The following KATNIP variants were observed in gnomAD, a reference collection of about 807,000 sequenced individuals.
KATNIP encodes katanin interacting protein.
In KATNIP, 126 loss-of-function variants were observed where a neutral mutation model predicts 174.0. That is an observed-to-expected ratio of 0.72 (90% CI 0.63 to 0.84). The LOEUF (loss-of-function observed/expected upper bound fraction) is 0.84, where lower values mean the gene tolerates loss of function less well. KATNIP is among the 40% of genes least tolerant of loss of function. The probability of loss-of-function intolerance (pLI) is 0.00; values close to 1 mark genes in which losing one functional copy is unlikely to be tolerated. For missense variants in KATNIP, 1,958 were observed against 2,109.7 expected, an observed-to-expected ratio of 0.93 and a Z score of 1.41; for synonymous variants, 810 against 835.7, an observed-to-expected ratio of 0.97 and a Z score of 0.53.
At chr16:27,744,632 C>T (rs979213789) in intron 15 of KATNIP, among the ~76,000 whole-genome samples, 2 of 150,548 alleles carry the variant, frequency 1.3e-5, no homozygotes, top group Non-Finnish European at 3.0e-5. Context: ...CCTGTAATCC[C>T]AGCACTTTGG....
intron 6 of KATNIP, among the ~76,000 whole-genome samples, chr16:27,673,687 A>G (rs2078005023): frequency 6.6e-6 from 1 of 152,214 alleles, no homozygotes; most frequent in Non-Finnish European, 1.5e-5. Context: ...AAAAATCTCA[A>G]GTCATTGCTG....
intron 19 of KATNIP, 72 bp downstream of exon 19, chr16:27,761,662 C>A: frequency 1.5e-6 from 2 of 1,309,624 alleles, no homozygotes; most frequent in South Asian, 1.2e-5. Flanking sequence ...TCTGAGACTT[C>A]AGATTCAGAC....
At chr16:27,556,633 A>T (rs2089639689) in intron 1 of KATNIP, among the ~76,000 whole-genome samples, 2 of 152,208 alleles carry the variant, frequency 1.3e-5, no homozygotes, top group African/African-American at 4.8e-5. Flanking sequence ...TGTCCAAATA[A>T]TCCCAGACTG....
At chr16:27,603,356 ATAAAC>A (rs1465529696) in intron 2 of KATNIP, among the ~76,000 whole-genome samples, 1 of 152,220 alleles carries the variant, frequency 6.6e-6, no homozygotes, top group Non-Finnish European at 1.5e-5. Flanking sequence ...TATTTAAACG[ATAAAC>A]TAAATTTTCT....
intron 8 of KATNIP, among the ~76,000 whole-genome samples, chr16:27,690,984 AAAAGTG>A (rs1168864425): frequency 6.6e-6 from 1 of 152,154 alleles, no homozygotes; most frequent in African/African-American, 2.4e-5. Context: ...ATTTTTCTAA[AAAAGTG>A]AAAGTGACAC....
chr16:27,652,805 C>CAAAAA (rs55843823), intron 6 of KATNIP, among the ~76,000 whole-genome samples: 1 of 120,804 alleles, frequency 8.3e-6, no homozygotes, highest in Non-Finnish European at 1.8e-5. Context: ...AACTCCATCT[C>CAAAAA]AAAAAAAAAA....
rs138451601 is a variant in KATNIP at position 27,606,786 on chromosome 16, G to A, written c.64-11639G>A. Among the ~76,000 whole-genome samples, 47 of 151,182 alleles carry A rather than the reference G, an allele frequency of 3.1e-4. 1 individual carries two copies. In the East Asian group the frequency reaches 6.6e-3, roughly 21 times the overall value. ...TCACTATGTTGCCCAGGCTGGTCTC[G>A]ATCTCCTGGGCTCAAGCGATCCTCC... On this transcript the variant is annotated intron_variant, in intron 2 of 27. Coordinates refer to ENST00000261588, the MANE Select transcript of KATNIP (RefSeq NM_015202.5).
chr16:27,593,905 G>T (rs1244521253), intron 2 of KATNIP, among the ~76,000 whole-genome samples: 1 of 152,036 alleles, frequency 6.6e-6, no homozygotes, highest in Non-Finnish European at 1.5e-5. Flanking sequence ...TTAGTGGTGG[G>T]GTCACACTGT....
chr16:27,662,077 C>T (rs865966322), intron 6 of KATNIP, among the ~76,000 whole-genome samples: 18 of 60,686 alleles, frequency 3.0e-4, no homozygotes, highest in African/African-American at 3.9e-4. Flanking sequence ...TATATACACA[C>T]ATATATATAT....
intron 5 of KATNIP, among the ~76,000 whole-genome samples, chr16:27,635,773 GC>G (rs1161803548): frequency 6.6e-6 from 1 of 152,164 alleles, no homozygotes; most frequent in Non-Finnish European, 1.5e-5. Context: ...GGTCAAACTT[GC>G]CCCCAGATAA....
intron 5 of KATNIP, among the ~76,000 whole-genome samples, chr16:27,639,433 A>G (rs766495967): frequency 6.6e-6 from 1 of 152,132 alleles, no homozygotes; most frequent in Non-Finnish European, 1.5e-5. Flanking sequence ...GCCTTGTAAT[A>G]CTTGGGTGGA....
At chr16:27,690,927 A>G (rs927348547) in intron 8 of KATNIP, among the ~76,000 whole-genome samples, 12 of 152,022 alleles carry the variant, frequency 7.9e-5, no homozygotes, top group East Asian at 1.9e-4. Context: ...AGGAATCCCA[A>G]TTTTCAGGTG....
rs770234892 is a variant in KATNIP, at chr16:27,740,324, A to G, written c.2027A>G (p.Asn676Ser). 16 of 1,614,246 alleles carry G rather than the reference A, an allele frequency of 9.9e-6. No homozygotes were observed. Among genetic ancestry groups the G allele is most frequent in the Non-Finnish European group, 1.4e-5 (16 of 1,180,034 alleles). ...GATGCAAAGCTTTCTTCACAAGGAA[A>G]TGTGTCTGGCAAAAGAAAGAATTCT... ...LADAKLSSQG[N>S]VSGKRKNSTN... The change falls in exon 15 of 28, where the codon AAT (asparagine) becomes AGT (serine). Residue 676 changes from asparagine to serine, a missense_variant. By Grantham distance (46) the Asn-to-Ser change is conservative. Coordinates refer to ENST00000261588, the MANE Select transcript of KATNIP (RefSeq NM_015202.5).
At chr16:27,649,217 C>A (rs537844855) in intron 6 of KATNIP, among the ~76,000 whole-genome samples, 1 of 152,232 alleles carries the variant, frequency 6.6e-6, no homozygotes, top group Admixed American at 6.5e-5. Context: ...ACCCGCAGGG[C>A]GGCAGGAGCC....
At chr16:27,683,360 C>T (rs1355043151) in intron 8 of KATNIP, among the ~76,000 whole-genome samples, 1 of 152,106 alleles carries the variant, frequency 6.6e-6, no homozygotes, top group Non-Finnish European at 1.5e-5. Context: ...TCACAGTTCT[C>T]GAGGCTGGAA....
chr16:27,631,275 C>A, intron 5 of KATNIP, 113 bp downstream of exon 5: 1 of 771,190 alleles, frequency 1.3e-6, no homozygotes, highest in Non-Finnish European at 2.1e-6. Context: ...ACAGTGGCTC[C>A]TTTATGCAAT....
chr16:27,685,113 G>A (rs1174914762), intron 8 of KATNIP, among the ~76,000 whole-genome samples: 2 of 152,190 alleles, frequency 1.3e-5, no homozygotes, highest in South Asian at 2.1e-4. Flanking sequence ...GAGGCCAGGC[G>A]CAGTGGGTCA....
chr16:27,697,450 T>C (rs1262597323), intron 8 of KATNIP, among the ~76,000 whole-genome samples: 2 of 152,126 alleles, frequency 1.3e-5, no homozygotes, highest in Non-Finnish European at 2.9e-5. Flanking sequence ...ATGCATGTCT[T>C]GATAAAATTT....
intron 1 of KATNIP, among the ~76,000 whole-genome samples, chr16:27,556,299 A>G (rs1159224496): frequency 6.6e-6 from 1 of 152,178 alleles, no homozygotes; most frequent in Non-Finnish European, 1.5e-5. Flanking sequence ...AATGTTTGAC[A>G]TTTTTTATTC....
Sources: allele counts gnomAD v4.1 joint callset (sites outside exome capture counted in the v4.1 genomes callset), GRCh38; gene constraint gnomAD v4.1.1; transcripts MANE v1.5; gene names NCBI Gene and HGNC (gene_info 2026-07-23, HGNC 2026-07-21).